TMPRSS2: variants seen among roughly 807,000 people sequenced by gnomAD.
TMPRSS2 encodes transmembrane serine protease 2.
A neutral mutation model predicts 67.4 loss-of-function variants in TMPRSS2; 59 were observed. That is an observed-to-expected ratio of 0.88 (90% CI 0.71 to 1.09). TMPRSS2 has a LOEUF of 1.09. Ranked by LOEUF, TMPRSS2 falls within the 50% of genes least tolerant of loss-of-function variation. TMPRSS2 has a pLI of 0.00. For missense variants in TMPRSS2, 668 were observed against 642.7 expected, an observed-to-expected ratio of 1.04 and a Z score of -0.43; for synonymous variants, 257 against 257.0, an observed-to-expected ratio of 1.00 and a Z score of 0.00.
At chr21:41,472,600 C>G (rs532495164) in intron 9 of TMPRSS2, among the ~76,000 whole-genome samples, 78 of 152,244 alleles carry the variant, frequency 5.1e-4, no homozygotes, top group Non-Finnish European at 9.7e-4. Flanking sequence ...GCTTCCTTGA[C>G]CTTCATAACA....
chr21:41,467,887 C>G lies in TMPRSS2; in HGVS notation c.1315-1G>C. On this transcript the variant is annotated splice_acceptor_variant, in intron 12 of 13. Transcript: ENST00000332149. LOFTEE classifies it high-confidence loss of function. Reference sequence around the variant, plus strand: ...TGACCAGAGGCCCTCCACTGTCACCCTGTGGGACACAGCAAGGTACAGAGA... The same window carrying G: ...TGACCAGAGGCCCTCCACTGTCACCGTGTGGGACACAGCAAGGTACAGAGA... 1 of 1,614,184 alleles carries G rather than the reference C, an allele frequency of 6.2e-7. No homozygotes were observed. The highest frequency in any genetic ancestry group is 8.5e-7 in the Non-Finnish European group (1 of 1,180,020).
chr21:41,488,629 C>T (rs1466399086), intron 4 of TMPRSS2, 116 bp from the exon 5 acceptor site: 4 of 1,207,162 alleles, frequency 3.3e-6, no homozygotes, highest in Non-Finnish European at 4.6e-6. Context: ...CTCCTGGCCC[C>T]ACTGTGTTTT....
In TMPRSS2 at chr21:41,470,827, C is replaced by T. The variant is rs2091127331; in HGVS notation, c.1076-84G>A. 4.6e-6 allele frequency: 5 copies of T among 1,082,334 alleles called. No homozygotes were observed. The South Asian group carries it at 7.3e-5, about 16-fold the overall frequency. 67.0% of individuals were successfully genotyped at this position (1,082,334 alleles called of 1,614,324 possible). A position where few individuals can be genotyped will look rare whatever the true frequency, so the allele number is the denominator to read the frequency against. On this transcript the variant is annotated intron_variant, in intron 10 of 13. Coordinates refer to ENST00000332149, the MANE Select transcript of TMPRSS2 (RefSeq NM_005656.4). Reference sequence around the variant, plus strand: ...GCCTTCCCACATGCAGGCTGCTGGGCCTGGCACCCTGGCCACCCTGCCCAG... The same window carrying T: ...GCCTTCCCACATGCAGGCTGCTGGGTCTGGCACCCTGGCCACCCTGCCCAG...
intron 1 of TMPRSS2, among the ~76,000 whole-genome samples, chr21:41,504,212 A>G (rs1019168176): frequency 6.6e-6 from 1 of 152,102 alleles, no homozygotes; most frequent in Non-Finnish European, 1.5e-5. Context: ...TTCTGCTGCC[A>G]CAACCACAAG....
chr21:41,491,151 A>ATTTTT (rs35598191), intron 3 of TMPRSS2, among the ~76,000 whole-genome samples: 3 of 106,592 alleles, frequency 2.8e-5, no homozygotes, highest in South Asian at 3.4e-4. Context: ...TCTGCATTGC[A>ATTTTT]TTTTTTTTTT....
chr21:41,507,941 C>A, intron 1 of TMPRSS2, 140 bp downstream of exon 1: 1 of 1,487,784 alleles, frequency 6.7e-7, no homozygotes, highest in Non-Finnish European at 8.9e-7. Flanking sequence ...GACCCTCGGG[C>A]GCACTCACCT....
rs777296694 is a variant in TMPRSS2 at position 41,473,543 on chromosome 21, C to T, written c.728-47G>A. 3.1e-5 allele frequency: 48 copies of T among 1,557,074 alleles called. No homozygotes were observed. The East Asian group carries it at 8.0e-4, about 26-fold the overall frequency. On this transcript the variant is annotated intron_variant, in intron 8 of 13. Transcript: ENST00000332149. ...CCAGTGGGGTGAGACCAGCAGAAGC[C>T]GCCCAGCCACCCAGCGCCCGCCCCT...
intron 3 of TMPRSS2, 37 bp downstream of exon 3, chr21:41,494,319 G>C (rs924459662): frequency 6.2e-7 from 1 of 1,606,900 alleles, no homozygotes; most frequent in Non-Finnish European, 8.5e-7. Flanking sequence ...CGGGACCCCG[G>C]GTTTATTACA....
intron 5 of TMPRSS2, among the ~76,000 whole-genome samples, chr21:41,481,616 A>G (rs1241237556): frequency 6.6e-6 from 1 of 152,222 alleles, no homozygotes; most frequent in African/African-American, 2.4e-5. Context: ...TTTAAATTTT[A>G]TGGTACATAC....
Position 41,467,769 on chromosome 21 carries a change from T to C in TMPRSS2, c.1432A>G (p.Met478Val). 1.2e-6 allele frequency: 2 copies of C among 1,614,188 alleles called. No homozygotes were observed. Among genetic ancestry groups the C allele is most frequent in the Non-Finnish European group, 8.5e-7 (1 of 1,180,036 alleles). Residue 478 changes from methionine to valine, a missense_variant, in exon 13 of 14, where the codon ATG (methionine) becomes GTG (valine). Met to Val is a conservative substitution (Grantham distance 21). Transcript: ENST00000332149. ...CGATAAATCCAGTCCGTGAATACCA[T>C]CACATTCCCGTACACTCCTGGTCTG... Reference protein sequence around the residue: ...AYRPGVYGNVMVFTDWIYRQM... With the variant: ...AYRPGVYGNVVVFTDWIYRQM...
Position 41,467,731 on chromosome 21 carries a change from T to C in TMPRSS2, c.1467+3A>G, listed in dbSNP as rs986073652. ...ACAGTCAGAAGGAGGACAGGATAGTTACCCTCATTTGTCGATAAATCCAGT... is the reference window on the plus strand; with the variant it reads ...ACAGTCAGAAGGAGGACAGGATAGTCACCCTCATTTGTCGATAAATCCAGT... On this transcript the variant is annotated splice_donor_region_variant and intron_variant, in intron 13 of 13. Transcript: ENST00000332149. The C allele has an allele frequency of 3.1e-6, 5 of 1,613,970 alleles. No homozygotes were observed. In the Admixed American group the frequency reaches 8.3e-5, roughly 27 times the overall value.
rs61735794 is a variant in TMPRSS2, at chr21:41,470,664, C to T, written c.1155G>A (p.Gly385=). ...CAGCCTCACCTTTCTCCTCGGTGGC[C>T]CCCCACCCGGAAATCCAGCAGAGCT... ...PEQLCWISGW[G]ATEEKGKTSE... Residue 385 remains glycine, a synonymous_variant, in exon 11 of 14, where the codon GGG becomes GGA. Coordinates refer to ENST00000332149, the MANE Select transcript of TMPRSS2 (RefSeq NM_005656.4). The T allele has an allele frequency of 0.026, 42,060 of 1,613,354 alleles. 619 individuals carry two copies. Among genetic ancestry groups the T allele is most frequent in the Non-Finnish European group, 0.03 (35,602 of 1,179,888 alleles).
intron 9 of TMPRSS2, 93 bp from the exon 10 acceptor site, chr21:41,472,074 C>T: frequency 7.7e-7 from 1 of 1,304,498 alleles, no homozygotes; most frequent in South Asian, 1.6e-5. Flanking sequence ...GGCAAGACAC[C>T]CAGAGGCAGG....
In TMPRSS2 at chr21:41,503,889, G is replaced by C. The variant is rs373052874; in HGVS notation, c.-57+4192C>G. On this transcript the variant is annotated intron_variant, in intron 1 of 13. Coordinates refer to ENST00000332149, the MANE Select transcript of TMPRSS2 (RefSeq NM_005656.4). ...CTCTGTTATCAGTATCTTGCACAAA[G>C]AACTCCAAGCCCATCGTCCCTAGAA... is the stretch of plus-strand genomic sequence containing the variant. Among the ~76,000 whole-genome samples the C allele has an allele frequency of 8.5e-5, 13 of 152,252 alleles. No homozygotes were observed. The East Asian group carries it at 2.1e-3, about 25-fold the overall frequency.
At chr21:41,470,564 G>A in intron 11 of TMPRSS2, 84 bp downstream of exon 11, 1 of 1,275,192 alleles carries the variant, frequency 7.8e-7, no homozygotes, top group Non-Finnish European at 1.1e-6. Context: ...AGTAGAACTG[G>A]GATTAAAACC....
Position 41,479,185 on chromosome 21 carries a change from T to G in TMPRSS2, c.670A>C (p.Lys224Gln). 1.2e-6 allele frequency: 2 copies of G among 1,613,922 alleles called. No homozygotes were observed. Among genetic ancestry groups the G allele is most frequent in the South Asian group, 2.2e-5 (2 of 91,076 alleles). Residue 224 changes from lysine to glutamine, a missense_variant, in exon 7 of 14, where the codon AAA becomes CAA. Transcript: ENST00000332149. The stretch of plus-strand genomic sequence containing the variant: ...ATTGCTGCATACCTGTGGTACAGTT[T>G]TTTATAGATATCGACATTGCCGGCA... ...TSAGNVDIYK[K>Q]LYHSDACSSK...
At chr21:41,498,232 T>A (rs2146494895) in intron 1 of TMPRSS2, 43 bp from the exon 2 acceptor site, 1 of 1,349,944 alleles carries the variant, frequency 7.4e-7, no homozygotes, top group South Asian at 1.3e-5. Context: ...CCATACCAGT[T>A]AGTTTTTAGA....
chr21:41,480,634 C>T lies in TMPRSS2; in HGVS notation c.446-32G>A, dbSNP rs1473059919. 2.5e-6 allele frequency: 4 copies of T among 1,611,824 alleles called. No homozygotes were observed. In the Admixed American group the frequency reaches 5.0e-5, roughly 20 times the overall value. ...GAGAGGGAGGATTATCCATGAGTTT[C>T]TTTCTTTTTTTTTCTTTTTTTTGAG... is the stretch of plus-strand genomic sequence containing the variant. On this transcript the variant is annotated intron_variant, in intron 5 of 13. Transcript: ENST00000332149.
chr21:41,470,797 ACCT>A, intron 10 of TMPRSS2, 54 bp from the exon 11 acceptor site: 1 of 712,710 alleles, frequency 1.4e-6, no homozygotes, highest in Admixed American at 3.7e-5. Flanking sequence ...CTATGTCTCC[ACCT>A]GGCCTTCCCA....
Sources: gnomAD v4.1 joint callset for allele counts (sites outside exome capture counted in the v4.1 genomes callset) on GRCh38, gnomAD v4.1.1 for gene constraint, MANE v1.5 for transcripts, NCBI Gene and HGNC (gene_info 2026-07-23, HGNC 2026-07-21) for gene names.